The following PDE7B variants were observed in gnomAD, a reference collection of about 807,000 sequenced individuals.
The protein encoded by PDE7B is 3',5'-cyclic-AMP phosphodiesterase 7B.
Under a neutral mutation model 56.2 loss-of-function variants are expected in PDE7B, and 29 were observed. The observed-to-expected ratio is 0.52, with a 90% CI of 0.38 to 0.70. The LOEUF is 0.70. Among genes scored for constraint, PDE7B ranks in the 30% least tolerant of loss-of-function variants. The probability of loss-of-function intolerance (pLI) is 0.00; values close to 1 mark genes in which losing one functional copy is unlikely to be tolerated. For missense variants in PDE7B, 490 were observed against 565.0 expected (o/e 0.87, Z 1.35); for synonymous variants, 197 against 196.9 (o/e 1.00, Z 0.00).
intron 2 of PDE7B, among the ~76,000 whole-genome samples, chr6:135,957,308 A>G (rs1287839090): frequency 2.0e-5 from 3 of 152,174 alleles, no homozygotes; most frequent in African/African-American, 7.2e-5. Flanking sequence ...AGAAATATAA[A>G]AAAACTGAAT....
intron 1 of PDE7B, among the ~76,000 whole-genome samples, chr6:135,852,281 A>C (rs1583703351): frequency 6.6e-6 from 1 of 151,944 alleles, no homozygotes; most frequent in East Asian, 1.9e-4. Context: ...TTTTCACTGC[A>C]CTTTGAGCCC....
intron 2 of PDE7B, among the ~76,000 whole-genome samples, chr6:136,099,042 T>C (rs911060731): frequency 1.3e-5 from 2 of 151,992 alleles, no homozygotes; most frequent in Non-Finnish European, 2.9e-5. Flanking sequence ...TTTCTGTCCT[T>C]GTGATATTTT....
intron 11 of PDE7B, among the ~76,000 whole-genome samples, chr6:136,181,867 A>T (rs1779072907): frequency 6.6e-6 from 1 of 152,242 alleles, no homozygotes; most frequent in Non-Finnish European, 1.5e-5. Context: ...GTGAAAAGAC[A>T]AATGGCCCTG....
chr6:135,864,793 T>TTA (rs1775220679), intron 1 of PDE7B, among the ~76,000 whole-genome samples: 2 of 152,052 alleles, frequency 1.3e-5, no homozygotes, highest in Non-Finnish European at 2.9e-5. Flanking sequence ...CCTTTCTTTT[T>TTA]TTATTATTAT....
chr6:135,931,989 A>G (rs1429922202), intron 1 of PDE7B, among the ~76,000 whole-genome samples: 1 of 152,036 alleles, frequency 6.6e-6, no homozygotes, highest in African/African-American at 2.4e-5. Flanking sequence ...ACACATAGGT[A>G]TATACACTAT....
intron 2 of PDE7B, among the ~76,000 whole-genome samples, chr6:136,084,527 A>G (rs6909288): frequency 2.4e-3 from 360 of 152,358 alleles, no homozygotes; most frequent in African/African-American, 8.2e-3. Context: ...AATGATTAAT[A>G]TGCCACATAG....
intron 2 of PDE7B, among the ~76,000 whole-genome samples, chr6:136,060,268 G>A (rs1776814483): frequency 6.6e-6 from 1 of 152,080 alleles, no homozygotes; most frequent in African/African-American, 2.4e-5. Flanking sequence ...ATGGGGAAAG[G>A]GAGTGATTCT....
chr6:136,020,908 C>T (rs1216636144), intron 2 of PDE7B, among the ~76,000 whole-genome samples: 2 of 152,148 alleles, frequency 1.3e-5, no homozygotes, highest in African/African-American at 4.8e-5. Context: ...AGTAATAATG[C>T]ATTTTACCAT....
Position 136,098,823 on chromosome 6 carries a change from C to T in PDE7B, c.83-9908C>T, listed in dbSNP as rs554464327. On this transcript the variant is annotated intron_variant, in intron 2 of 12. Coordinates refer to ENST00000308191, the MANE Select transcript of PDE7B (RefSeq NM_018945.4). ...AAAGTTCTAGGGTACATGAGCACAA[C>T]GTGCAGGTTTGTTACATAGTTATAC... Among the ~76,000 whole-genome samples the T allele has an allele frequency of 7.2e-5, 11 of 151,850 alleles. No homozygotes were observed. In the South Asian group the frequency reaches 1.2e-3, roughly 17 times the overall value.
chr6:135,907,480 A>G (rs1209678040), intron 1 of PDE7B, among the ~76,000 whole-genome samples: 1 of 151,894 alleles, frequency 6.6e-6, no homozygotes, highest in Non-Finnish European at 1.5e-5. Flanking sequence ...ATTTGTTTAT[A>G]TTTTGTCTAG....
chr6:135,897,773 C>G (rs913326753), intron 1 of PDE7B, among the ~76,000 whole-genome samples: 5 of 152,210 alleles, frequency 3.3e-5, no homozygotes, highest in Admixed American at 2.6e-4. Flanking sequence ...AGTACCATGA[C>G]TTACCAGTAT....
At chr6:135,900,226 C>A (rs1038475405) in intron 1 of PDE7B, among the ~76,000 whole-genome samples, 3 of 152,010 alleles carry the variant, frequency 2.0e-5, no homozygotes, top group Non-Finnish European at 4.4e-5. Context: ...CATGTTTAAC[C>A]TTAGCATGTG....
chr6:135,964,105 T>A (rs1774952057), intron 2 of PDE7B, among the ~76,000 whole-genome samples: 2 of 152,004 alleles, frequency 1.3e-5, no homozygotes, highest in African/African-American at 2.4e-5. Flanking sequence ...TGGGTTTTTT[T>A]TTTCTTTTAT....
rs117082695 is a variant in PDE7B, at chr6:136,121,040, A to G, written c.166+12226A>G. 3.1e-4 allele frequency among the ~76,000 whole-genome samples: 47 copies of G among 152,188 alleles called. No homozygotes were observed. In the East Asian group the frequency reaches 5.6e-3, roughly 18 times the overall value. On this transcript the variant is annotated intron_variant, in intron 3 of 12. Transcript: ENST00000308191. ...TGAACTCATTTGTGCTCTGTGGGTAATATCATCTATAAGGAAGGTCTAGCA... is the reference window on the plus strand; with the variant it reads ...TGAACTCATTTGTGCTCTGTGGGTAGTATCATCTATAAGGAAGGTCTAGCA...
At chr6:136,026,654 A>G (rs1776156721) in intron 2 of PDE7B, among the ~76,000 whole-genome samples, 1 of 152,240 alleles carries the variant, frequency 6.6e-6, no homozygotes, top group South Asian at 2.1e-4. Context: ...GCCTGATAGT[A>G]TCTGCACCCT....
chr6:136,176,541 T>C lies in PDE7B; in HGVS notation c.804-2456T>C, dbSNP rs190987320. On this transcript the variant is annotated intron_variant, in intron 9 of 12. Transcript: ENST00000308191. ...ATTTAACTAATCTCATAAATTTTTG[T>C]GATTTTTTTCCCCCACGGAATGCTT... is the stretch of plus-strand genomic sequence containing the variant. 2.3e-4 allele frequency among the ~76,000 whole-genome samples: 35 copies of C among 152,210 alleles called. No individual in the cohort carries two copies. In the East Asian group the frequency reaches 6.7e-3, roughly 29 times the overall value.
chr6:136,073,130 G>A (rs901421784), intron 2 of PDE7B, among the ~76,000 whole-genome samples: 1 of 152,058 alleles, frequency 6.6e-6, no homozygotes. Context: ...GGCAGGGATG[G>A]CCATGCTGAA....
intron 1 of PDE7B, among the ~76,000 whole-genome samples, chr6:135,898,009 TC>T (rs1377541033): frequency 6.6e-6 from 1 of 152,176 alleles, no homozygotes; most frequent in African/African-American, 2.4e-5. Context: ...ATAAACCATG[TC>T]TGATCCTTAT....
At chr6:135,948,435 C>A (rs1276437835) in intron 2 of PDE7B, among the ~76,000 whole-genome samples, 1 of 151,794 alleles carries the variant, frequency 6.6e-6, no homozygotes, top group Non-Finnish European at 1.5e-5. Context: ...TTACTCTGCC[C>A]ACTTCATATA....
Sources: allele counts gnomAD v4.1 joint callset (sites outside exome capture counted in the v4.1 genomes callset), GRCh38; gene constraint gnomAD v4.1.1; transcripts MANE v1.5; gene names NCBI Gene and HGNC (gene_info 2026-07-23, HGNC 2026-07-21).